The following KCNV2 variants were observed in gnomAD, a reference collection of about 807,000 sequenced individuals.
KCNV2 encodes potassium voltage-gated channel modifier subfamily V member 2, also known as potassium voltage-gated channel subfamily V member 2.
Under a neutral mutation model 37.0 loss-of-function variants are expected in KCNV2, and 65 were observed. That is an observed-to-expected ratio of 1.76 (90% confidence interval 1.44 to 2.16). The LOEUF (loss-of-function observed/expected upper bound fraction) is 2.16, where lower values mean the gene tolerates loss of function less well. KCNV2 is among the 30% of genes most tolerant of loss of function. KCNV2 has a pLI of 0.00. For synonymous variants in KCNV2, 518 were observed against 328.6 expected (o/e 1.58, Z -6.23); for missense variants, 1,232 against 766.7 (o/e 1.61, Z -7.17).
chr9:2,722,347 T>C (rs1819890749), intron 1 of KCNV2, among the ~76,000 whole-genome samples: 1 of 138,930 alleles, frequency 7.2e-6, no homozygotes, highest in Non-Finnish European at 1.5e-5. Context: ...ATAAATAAAT[T>C]AGAAGTTATT....
At chr9:2,719,243 C>A in intron 1 of KCNV2, 148 bp downstream of exon 1, 1 of 813,442 alleles carries the variant, frequency 1.2e-6, no homozygotes, top group South Asian at 1.6e-5. Flanking sequence ...AACAAAACGG[C>A]GATGGATGTC....
chr9:2,720,519 A>G (rs1819847351), intron 1 of KCNV2: 1 of 152,218 alleles, frequency 6.6e-6, no homozygotes, highest in Non-Finnish European at 1.5e-5. Context: ...ATTCCAAGTG[A>G]TGAAAGGTCA....
At chr9:2,726,203 T>C (rs2130867008) in intron 1 of KCNV2, among the ~76,000 whole-genome samples, 1 of 152,228 alleles carries the variant, frequency 6.6e-6, no homozygotes, top group African/African-American at 2.4e-5. Flanking sequence ...GGAAAAAAAG[T>C]TCCCCAAAGC....
chr9:2,725,098 G>C (rs1256384692), intron 1 of KCNV2, among the ~76,000 whole-genome samples: 1 of 152,146 alleles, frequency 6.6e-6, no homozygotes, highest in African/African-American at 2.4e-5. Flanking sequence ...CAGCATCATT[G>C]AGGGCACGGA....
At chr9:2,722,748 C>CT (rs1434688004) in intron 1 of KCNV2, among the ~76,000 whole-genome samples, 1 of 152,060 alleles carries the variant, frequency 6.6e-6, no homozygotes, top group Non-Finnish European at 1.5e-5. Context: ...AGCGTATACT[C>CT]TGATTTCAGC....
chr9:2,726,069 G>C (rs1819963221), intron 1 of KCNV2, among the ~76,000 whole-genome samples: 1 of 152,144 alleles, frequency 6.6e-6, no homozygotes, highest in Non-Finnish European at 1.5e-5. Context: ...CGGAAATTTT[G>C]GTCACATTTC....
Position 2,717,643 on chromosome 9 carries a change from T to G in KCNV2, c.-97T>G. On this transcript the variant is annotated 5_prime_UTR_variant, in exon 1 of 2. Coordinates refer to ENST00000382082, the MANE Select transcript of KCNV2 (RefSeq NM_133497.4). ...GTCCGGGCTGGCCTCTCTAAGACAGTGCAGGCCACGTGATCCATCCTCCTA... is the reference window on the plus strand; with the variant it reads ...GTCCGGGCTGGCCTCTCTAAGACAGGGCAGGCCACGTGATCCATCCTCCTA... 6.6e-7 allele frequency: 1 copy of G among 1,508,424 alleles called. No homozygotes were observed. Among genetic ancestry groups the G allele is most frequent in the Admixed American group, 1.7e-5 (1 of 59,244 alleles). The allele number at this position is 1,508,424 out of a possible 1,614,324, so 93.4% of individuals were successfully genotyped here. A position where few individuals can be genotyped will look rare whatever the true frequency, so the allele number is the denominator to read the frequency against.
At chr9:2,719,989 A>C (rs983966120) in intron 1 of KCNV2, among the ~76,000 whole-genome samples, 1 of 152,386 alleles carries the variant, frequency 6.6e-6, no homozygotes, top group South Asian at 2.1e-4. Flanking sequence ...AATAAATGTT[A>C]ATCAGGTCTT....
chr9:2,723,565 C>G (rs1192083884), intron 1 of KCNV2, among the ~76,000 whole-genome samples: 2 of 150,190 alleles, frequency 1.3e-5, no homozygotes, highest in Non-Finnish European at 2.9e-5. Context: ...TATTTGTGAG[C>G]ACTAATGTAA....
At chr9:2,728,200 C>G (rs778101056) in intron 1 of KCNV2, among the ~76,000 whole-genome samples, 8 of 152,146 alleles carry the variant, frequency 5.3e-5, no homozygotes, top group Non-Finnish European at 1.0e-4. Context: ...AAAATATTTA[C>G]ACTGCTAAGC....
intron 1 of KCNV2, among the ~76,000 whole-genome samples, chr9:2,725,843 A>G (rs906632389): frequency 4.6e-5 from 7 of 152,326 alleles, no homozygotes; most frequent in African/African-American, 1.7e-4. Flanking sequence ...AAATCCAAGT[A>G]TTCTCAAGTT....
At chr9:2,724,260 T>C (rs1425193363) in intron 1 of KCNV2, among the ~76,000 whole-genome samples, 1 of 152,166 alleles carries the variant, frequency 6.6e-6, no homozygotes, top group Non-Finnish European at 1.5e-5. Flanking sequence ...TTCCCTAAGG[T>C]ATGTTTTCAT....
In KCNV2 at chr9:2,717,544, C is replaced by T; in HGVS notation, c.-196C>T. 2 of 631,786 alleles carry T rather than the reference C, an allele frequency of 3.2e-6. No homozygotes were observed. The highest frequency in any genetic ancestry group is 5.6e-6 in the Non-Finnish European group (2 of 359,416). 39.1% of individuals were successfully genotyped at this position (631,786 alleles called of 1,614,324 possible). A position where few individuals can be genotyped will look rare whatever the true frequency, so the allele number is the denominator to read the frequency against. On this transcript the variant is annotated 5_prime_UTR_variant, in exon 1 of 2. Transcript: ENST00000382082. ...AACAGCTGACTGCGTTCAGACCCTG[C>T]AGGCTGGGCTGGCCTGCCCAGGACC...
Position 2,718,636 on chromosome 9 carries a change from G to A in KCNV2, c.897G>A (p.Arg299=). Residue 299 remains arginine, a synonymous_variant, in exon 1 of 2, where the codon CGG becomes CGA. Transcript: ENST00000382082. ...AGGGCGAGGGCGGCCCAGACCTGCG[G>A]CCCATCCTGGAGCACGTGGAGATGC... The part of the protein sequence containing the change: ...SGQGEGGPDL[R]PILEHVEMLC... The A allele has an allele frequency of 3.7e-6, 6 of 1,613,210 alleles. No individual in the cohort carries two copies. The highest frequency in any genetic ancestry group is 3.3e-4 in the Middle Eastern group (2 of 6,060).
chr9:2,722,282 A>T (rs1009103414), intron 1 of KCNV2, among the ~76,000 whole-genome samples: 15 of 133,374 alleles, frequency 1.1e-4, no homozygotes, highest in Admixed American at 1.0e-3. Context: ...TTTATTTACA[A>T]ATTAGAAGTT....
Position 2,718,861 on chromosome 9 carries a change from G to T in KCNV2, c.1122G>T (p.Gln374His). 1 of 1,609,146 alleles carries T rather than the reference G, an allele frequency of 6.2e-7. No individual in the cohort carries two copies. Among genetic ancestry groups the T allele is most frequent in the Non-Finnish European group, 8.5e-7 (1 of 1,179,920 alleles). Residue 374 changes from glutamine to histidine, a missense_variant, in exon 1 of 2, where the codon CAG (glutamine) becomes CAT (histidine). Transcript: ENST00000382082. ...TGGGCAGCGTGGGTAAGGTGGGTCA[G>T]GTGTTGCGCGTCATGCGCCTCATGC... ...QTVGSVGKVG[Q>H]VLRVMRLMRI... is the part of the protein sequence containing the mutation.
chr9:2,718,739 G>A lies in KCNV2; in HGVS notation c.1000G>A (p.Ala334Thr), dbSNP rs1329374024. The A allele has an allele frequency of 3.1e-6, 5 of 1,612,222 alleles. No homozygotes were observed. The East Asian group carries it at 1.1e-4, about 36-fold the overall frequency. The change falls in exon 1 of 2, where the codon GCC becomes ACC. Residue 334 changes from alanine (A) to threonine (T), a missense_variant. Ala to Thr is a moderately conservative substitution (Grantham distance 58). Transcript: ENST00000382082. Reference sequence around the variant, plus strand: ...CGACCTGAGGCGCTTCGCGCGCAGCGCCCTCAACCTGGTGGACCTGGTGGC... The same window carrying A: ...CGACCTGAGGCGCTTCGCGCGCAGCACCCTCAACCTGGTGGACCTGGTGGC... Reference protein sequence around the residue: ...TPDLRRFARSALNLVDLVAIL... With the variant: ...TPDLRRFARSTLNLVDLVAIL...
rs1273560463 is a variant in KCNV2, at chr9:2,729,994, T to C, written c.*267T>C. The C allele has an allele frequency of 2.3e-6, 1 of 430,100 alleles. No individual in the cohort carries two copies. Among genetic ancestry groups the C allele is most frequent in the Non-Finnish European group, 4.2e-6 (1 of 239,354 alleles). The allele number at this position is 430,100 out of a possible 1,614,324, so 26.6% of individuals were successfully genotyped here. On this transcript the variant is annotated 3_prime_UTR_variant, in exon 2 of 2. Coordinates refer to ENST00000382082, the MANE Select transcript of KCNV2 (RefSeq NM_133497.4). Reference sequence around the variant, plus strand: ...GGAGCAACAGCTTAGATTTTTCTTGTAGCTTCTCGTGGCATCTAGCTCAAT... The same window carrying C: ...GGAGCAACAGCTTAGATTTTTCTTGCAGCTTCTCGTGGCATCTAGCTCAAT...
chr9:2,722,474 AGTT>A, intron 1 of KCNV2, among the ~76,000 whole-genome samples: 4 of 139,038 alleles, frequency 2.9e-5, no homozygotes, highest in Admixed American at 7.1e-5. Flanking sequence ...TTTATAAATA[AGTT>A]ATTTATAAAT....
Sources: allele counts gnomAD v4.1 joint callset (sites outside exome capture counted in the v4.1 genomes callset), GRCh38; gene constraint gnomAD v4.1.1; transcripts MANE v1.5; gene names NCBI Gene and HGNC (gene_info 2026-07-23, HGNC 2026-07-21).